Variants in FAM107A observed in about 807,000 individuals in gnomAD.
The protein encoded by FAM107A is actin-associated protein FAM107A.
FAM107A carries 19 observed loss-of-function variants against 13.7 expected under a neutral mutation model. The observed-to-expected ratio is 1.38, with a 90% CI of 0.97 to 2.03. FAM107A has a LOEUF of 2.03. FAM107A is among the 30% of genes most tolerant of loss of function. FAM107A has a pLI of 0.00. For synonymous variants in FAM107A, 82 were observed against 74.5 expected (o/e 1.10, Z -0.52); for missense variants, 203 against 184.4 (o/e 1.10, Z -0.58).
chr3:58,612,310 T>G (rs548644045), intron 1 of FAM107A, among the ~76,000 whole-genome samples: 1 of 152,250 alleles, frequency 6.6e-6, no homozygotes, highest in South Asian at 2.1e-4. Context: ...CTGGGTGCAG[T>G]GGCTCACACT....
intron 1 of FAM107A, among the ~76,000 whole-genome samples, chr3:58,570,782 T>C (rs1047908820): frequency 7.9e-5 from 12 of 152,260 alleles, no homozygotes; most frequent in African/African-American, 2.9e-4. Context: ...TCCTATTATA[T>C]GCCAGGCCCT....
At chr3:58,620,375 T>C (rs765175545) in intron 1 of FAM107A, among the ~76,000 whole-genome samples, 1 of 152,192 alleles carries the variant, frequency 6.6e-6, no homozygotes, top group Non-Finnish European at 1.5e-5. Context: ...GTAGGCCTGG[T>C]AATGCACATG....
At chr3:58,612,894 G>A (rs878880628) in intron 1 of FAM107A, among the ~76,000 whole-genome samples, 1 of 151,940 alleles carries the variant, frequency 6.6e-6, no homozygotes, top group Non-Finnish European at 1.5e-5. Context: ...TTGGAGTCAT[G>A]TTTATTTTTA....
At chr3:58,583,404 C>A (rs981470267) in intron 1 of FAM107A, among the ~76,000 whole-genome samples, 1 of 152,140 alleles carries the variant, frequency 6.6e-6, no homozygotes, top group Non-Finnish European at 1.5e-5. Flanking sequence ...GGGTGGATGA[C>A]CTCAGGTCAG....
At chr3:58,591,035 G>C (rs770662638), upstream of FAM107A, among the ~76,000 whole-genome samples, 3 of 152,160 alleles carry the variant, frequency 2.0e-5, no homozygotes, top group Non-Finnish European at 2.9e-5. This position sits in a 1 kb window ranked among gnomAD's most constrained non-coding sequence, Gnocchi z 4.3. Context: ...AATTCCATCT[G>C]TTTGTTCCTT....
At chr3:58,601,025 G>T (rs943772924) in intron 1 of FAM107A, among the ~76,000 whole-genome samples, 1 of 151,992 alleles carries the variant, frequency 6.6e-6, no homozygotes. Context: ...TCAAAATAGC[G>T]CTCGTTTTAA....
In FAM107A at chr3:58,613,379, A is replaced by C. The variant is rs935168484; in HGVS notation, c.-70+14037T>G. Among the ~76,000 whole-genome samples, 3 of 152,088 alleles carry C rather than the reference A, an allele frequency of 2.0e-5. No individual in the cohort carries two copies. Among genetic ancestry groups the C allele is most frequent in the East Asian group, 1.9e-4 (1 of 5,172 alleles). On this transcript the variant is annotated intron_variant, in intron 1 of 3. Coordinates refer to the FAM107A transcript ENST00000465970. This position sits in a 1 kb window ranked among gnomAD's most constrained non-coding sequence, Gnocchi z 4.6. ...TGCTGTGCTAGAGCTGACTCTAGTG[A>C]GCTGACCTCAGCCCTCCCGTGCCAA...
At chr3:58,588,019 T>A (rs2108063162), upstream of FAM107A, among the ~76,000 whole-genome samples, 1 of 152,286 alleles carries the variant, frequency 6.6e-6, no homozygotes, top group South Asian at 2.1e-4. Context: ...ACTACAGACC[T>A]TGGCCACCTG....
intron 1 of FAM107A, among the ~76,000 whole-genome samples, chr3:58,601,319 C>A (rs1391462702): frequency 6.6e-6 from 1 of 152,176 alleles, no homozygotes; most frequent in Non-Finnish European, 1.5e-5. Flanking sequence ...ATGCATCTCT[C>A]CAGGAATTGT....
intron 1 of FAM107A, among the ~76,000 whole-genome samples, chr3:58,612,731 G>A (rs2065865943): frequency 6.6e-6 from 1 of 152,102 alleles, no homozygotes; most frequent in Non-Finnish European, 1.5e-5. Flanking sequence ...TTTGAAAAAT[G>A]ACTAAGTTCA....
intron 1 of FAM107A, among the ~76,000 whole-genome samples, chr3:58,625,297 C>G (rs1039542300): frequency 3.3e-5 from 5 of 152,272 alleles, no homozygotes; most frequent in African/African-American, 1.2e-4. Context: ...TCCCTAAGAG[C>G]TAAACAGAAA....
At position 58,599,696 on chromosome 3, in the gene FAM107A, A is replaced by ATTTTTTTTTTTTTTTT. The variant is rs57244654; in HGVS notation, c.-69-10443_-69-10428dup. Among the ~76,000 whole-genome samples, 50 of 78,590 alleles carry ATTTTTTTTTTTTTTTT rather than the reference A, an allele frequency of 6.4e-4. 12 individuals are homozygous for ATTTTTTTTTTTTTTTT. Among genetic ancestry groups the ATTTTTTTTTTTTTTTT allele is most frequent in the Non-Finnish European group, 8.6e-4 (32 of 37,406 alleles). The allele number at this position is 78,590 out of a possible 152,430, so 51.6% of individuals were successfully genotyped here. A position where few individuals can be genotyped will look rare whatever the true frequency, so the allele number is the denominator to read the frequency against. On this transcript the variant is annotated intron_variant, in intron 1 of 3. Transcript: ENST00000465970. ...GTGGTATACTTAAAACAAGTGCACC[A>ATTTTTTTTTTTTTTTT]TTTTTTTTTTTTTTTTTTTTTTTTT...
intron 1 of FAM107A, among the ~76,000 whole-genome samples, chr3:58,606,726 C>T (rs1373805110): frequency 7.9e-5 from 12 of 152,232 alleles, no homozygotes; most frequent in Non-Finnish European, 1.5e-5. Context: ...CCACAGAGTA[C>T]AGGCTAAAGT....
rs1043942 is a variant in FAM107A, at chr3:58,567,270, C to A, written c.265G>T (p.Ala89Ser). The A allele has an allele frequency of 0.06, 96,835 of 1,613,924 alleles. 3,275 individuals are homozygous for A. The highest frequency in any genetic ancestry group is 0.11 in the African/African-American group (8,216 of 75,024). Reference sequence around the variant, plus strand: ...TCAAAGGGGCACTGCAGCCGCTTGGCTTCCAGCTCCTCCTTCTTCTTCTTG... The same window carrying A: ...TCAAAGGGGCACTGCAGCCGCTTGGATTCCAGCTCCTCCTTCTTCTTCTTG... ...LIKKKKEELE[A>S]KRLQCPFEQE... Residue 89 changes from alanine to serine, a missense_variant, in exon 3 of 4, where the codon GCC becomes TCC. Transcript: ENST00000360997.
At chr3:58,599,695 C>CTTTTTTTTTT (rs1559483413) in intron 1 of FAM107A, among the ~76,000 whole-genome samples, 1 of 45,744 alleles carries the variant, frequency 2.2e-5, no homozygotes, top group Non-Finnish European at 5.3e-5. Context: ...ACAAGTGCAC[C>CTTTTTTTTTT]ATTTTTTTTT....
chr3:58,571,296 G>A (rs775083835), intron 1 of FAM107A, among the ~76,000 whole-genome samples: 13 of 152,154 alleles, frequency 8.5e-5, no homozygotes, highest in Non-Finnish European at 1.9e-4. Flanking sequence ...GACCACATAC[G>A]TAAAGGTGCT....
intron 1 of FAM107A, among the ~76,000 whole-genome samples, chr3:58,592,380 T>A (rs2065661021): frequency 6.6e-6 from 1 of 152,178 alleles, no homozygotes; most frequent in African/African-American, 2.4e-5. Context: ...CCTCAGGGAT[T>A]TGACCCTGCC....
At chr3:58,603,644 C>T (rs1020109833) in intron 1 of FAM107A, among the ~76,000 whole-genome samples, 1 of 152,112 alleles carries the variant, frequency 6.6e-6, no homozygotes, top group Non-Finnish European at 1.5e-5. Flanking sequence ...TTTGTACCTC[C>T]ATATCTGTTG....
At chr3:58,624,545 C>G (rs72876176) in intron 1 of FAM107A, among the ~76,000 whole-genome samples, 1,592 of 152,322 alleles carry the variant, frequency 0.01, 32 homozygotes, top group African/African-American at 0.037. Flanking sequence ...GTCCAGCACT[C>G]TCCCTTCCAT....
Sources: gnomAD v4.1 joint callset for allele counts (sites outside exome capture counted in the v4.1 genomes callset) on GRCh38, gnomAD v4.1.1 for gene constraint, Gnocchi (gnomAD v3.1) non-coding constraint, MANE v1.5 for transcripts, NCBI Gene and HGNC (gene_info 2026-07-23, HGNC 2026-07-21) for gene names.